KIF11: variants seen among roughly 807,000 people sequenced by gnomAD.
KIF11 encodes kinesin family member 11, also known as kinesin-like protein KIF11.
KIF11 carries 9 observed loss-of-function variants against 121.0 expected under a neutral mutation model. The ratio of observed to expected loss-of-function variants is 0.07; its 90% CI spans 0.04 to 0.13. The LOEUF is 0.13. Among genes scored for constraint, KIF11 ranks in the 10% least tolerant of loss-of-function variants. The pLI is 1.00. For missense variants in KIF11, 846 were observed against 1,217.5 expected, an observed-to-expected ratio of 0.69 and a Z score of 4.54; for synonymous variants, 408 against 421.0, an observed-to-expected ratio of 0.97 and a Z score of 0.38.
intron 6 of KIF11, among the ~76,000 whole-genome samples, chr10:92,611,937 TG>T (rs1844502018): frequency 6.6e-6 from 1 of 152,024 alleles, no homozygotes; most frequent in Non-Finnish European, 1.5e-5. Context: ...TTAAGTAACA[TG>T]AAAGTACAAA....
At chr10:92,634,245 A>G (rs1316698449) in intron 14 of KIF11, among the ~76,000 whole-genome samples, 3 of 151,864 alleles carry the variant, frequency 2.0e-5, no homozygotes, top group Non-Finnish European at 2.9e-5. Flanking sequence ...GGCCTCCCAA[A>G]GTGCTGGGAT....
Position 92,613,271 on chromosome 10 carries a change from A to C in KIF11, c.790-106A>C. 9.0e-7 allele frequency: 1 copy of C among 1,111,932 alleles called. No individual in the cohort carries two copies. The highest frequency in any genetic ancestry group is 1.3e-6 in the Non-Finnish European group (1 of 787,890). The allele number at this position is 1,111,932 out of a possible 1,614,324, so 68.9% of individuals were successfully genotyped here. On this transcript the variant is annotated intron_variant, in intron 7 of 21. Transcript: ENST00000260731. This position sits in a 1 kb window ranked among gnomAD's most constrained non-coding sequence, Gnocchi z 4.2. ...AGAAGAAATTTGTTAATTACAGAAA[A>C]AATTATTTTGCTGGCGATTTAATAC... is the stretch of plus-strand genomic sequence containing the variant.
chr10:92,651,209 G>A (rs1025463937), intron 21 of KIF11, among the ~76,000 whole-genome samples: 1 of 146,932 alleles, frequency 6.8e-6, no homozygotes, highest in Non-Finnish European at 1.5e-5. Context: ...TGTATTTTTA[G>A]TAGAGACAGG....
Position 92,645,505 on chromosome 10 carries a change from C to T in KIF11, c.2410C>T (p.Leu804Phe), listed in dbSNP as rs1482644832. The change falls in exon 18 of 22, where the codon CTC (leucine) becomes TTC (phenylalanine). Residue 804 changes from leucine (L) to phenylalanine (F), a missense_variant. This residue lies in a region of KIF11 where 492 missense variants were observed against 603.4 expected (regional missense o/e 0.82). Coordinates refer to ENST00000260731, the MANE Select transcript of KIF11 (RefSeq NM_004523.4). Reference protein sequence around the residue: ...VEESVKHSDKLNGNLEKISQE... With the variant: ...VEESVKHSDKFNGNLEKISQE... ...AGAATCTGTGAAACACTCTGATAAA[C>T]TCAATGGCAACCTGGAAAAAATATC... 1 of 1,614,038 alleles carries T rather than the reference C, an allele frequency of 6.2e-7. No individual in the cohort carries two copies. The highest frequency in any genetic ancestry group is 8.5e-7 in the Non-Finnish European group (1 of 1,179,946).
At chr10:92,615,081 C>A (rs960401394) in intron 8 of KIF11, among the ~76,000 whole-genome samples, 9 of 151,986 alleles carry the variant, frequency 5.9e-5, no homozygotes, top group African/African-American at 2.2e-4. Flanking sequence ...TAGGCATGAG[C>A]CACCTCACTT....
chr10:92,629,665 G>C (rs550656449), intron 11 of KIF11, among the ~76,000 whole-genome samples: 1 of 151,980 alleles, frequency 6.6e-6, no homozygotes, highest in Non-Finnish European at 1.5e-5. Context: ...CCAGGCTACA[G>C]TGCAGTGGTG....
intron 8 of KIF11, among the ~76,000 whole-genome samples, chr10:92,614,008 A>G (rs1477093409): frequency 7.1e-6 from 1 of 140,214 alleles, no homozygotes; most frequent in African/African-American, 2.7e-5. Context: ...AAAAAAAAAG[A>G]AAAGTATGTG....
At chr10:92,596,698 C>T (rs561251908) in intron 1 of KIF11, among the ~76,000 whole-genome samples, 1 of 151,950 alleles carries the variant, frequency 6.6e-6, no homozygotes. Flanking sequence ...AGTCCTTTGC[C>T]CATTTTTAAA....
chr10:92,616,747 G>A lies in KIF11; in HGVS notation c.1043G>A (p.Ser348Asn), dbSNP rs1238718377. ...PASLNLEETL[S>N]TLEYAHRAKN... ...TCCTTTCCATGACAGGAAACTCTGAGTACATTGGAATATGCTCATAGAGCA... is the reference window on the plus strand; with the variant it reads ...TCCTTTCCATGACAGGAAACTCTGAATACATTGGAATATGCTCATAGAGCA... Residue 348 changes from serine (S) to asparagine (N), a missense_variant, in exon 9 of 22, where the codon AGT becomes AAT. Ser to Asn is a conservative substitution (Grantham distance 46). Around this residue, in one of 5 missense-constraint regions of KIF11, gnomAD observed 116 missense variants for 285.3 expected, o/e 0.41. Transcript: ENST00000260731. 6.3e-7 allele frequency: 1 copy of A among 1,590,340 alleles called. No individual in the cohort carries two copies. The highest frequency in any genetic ancestry group is 1.1e-5 in the South Asian group (1 of 89,190).
chr10:92,608,109 TA>T (rs887302693), intron 4 of KIF11, among the ~76,000 whole-genome samples: 39 of 146,346 alleles, frequency 2.7e-4, no homozygotes, highest in Non-Finnish European at 3.5e-4. Flanking sequence ...CTAGTTAATT[TA>T]AAAAAAAAAA....
chr10:92,629,609 T>G (rs1430039940), intron 11 of KIF11, among the ~76,000 whole-genome samples: 1 of 151,336 alleles, frequency 6.6e-6, no homozygotes, highest in Non-Finnish European at 1.5e-5. Flanking sequence ...ATACCTTTAT[T>G]TATTTATTTT....
rs539895946 is a variant in KIF11, at chr10:92,649,771, G to GT, written c.2771-57dup. On this transcript the variant is annotated intron_variant, in intron 19 of 21. Transcript: ENST00000260731. Reference sequence around the variant, plus strand: ...GACAAGATTAATTAGGAAGTTTTAGGTTTTTTTAAAAATATTTACATCTCA... The same window carrying GT: ...GACAAGATTAATTAGGAAGTTTTAGGTTTTTTTTAAAAATATTTACATCTCA... 1.1e-3 allele frequency: 1,274 copies of GT among 1,176,494 alleles called. 8 individuals carry two copies. The African/African-American group carries it at 0.018, about 16-fold the overall frequency. 72.9% of individuals were successfully genotyped at this position (1,176,494 alleles called of 1,614,324 possible). A position where few individuals can be genotyped will look rare whatever the true frequency, so the allele number is the denominator to read the frequency against.
intron 1 of KIF11, among the ~76,000 whole-genome samples, chr10:92,597,528 G>A (rs1197954910): frequency 1.3e-5 from 2 of 152,100 alleles, no homozygotes; most frequent in African/African-American, 4.8e-5. Context: ...GCCTCCCAAA[G>A]TGCTGGGATT....
chr10:92,620,404 G>A (rs951400026), intron 9 of KIF11, among the ~76,000 whole-genome samples: 9 of 152,110 alleles, frequency 5.9e-5, no homozygotes, highest in Non-Finnish European at 1.3e-4. Flanking sequence ...TATAGGAAAG[G>A]CAGGACACAT....
chr10:92,629,903 C>G (rs982012002), intron 11 of KIF11, among the ~76,000 whole-genome samples: 3 of 152,178 alleles, frequency 2.0e-5, no homozygotes, highest in African/African-American at 7.2e-5. Context: ...AGGTGTGAAC[C>G]ACCTTGCCAG....
At chr10:92,645,251 C>A in intron 17 of KIF11, 112 bp from the exon 18 acceptor site, 2 of 724,158 alleles carry the variant, frequency 2.8e-6, no homozygotes, top group Non-Finnish European at 2.2e-6. Flanking sequence ...GGCCCTGGAG[C>A]CAGACTGTCC....
chr10:92,626,937 G>A (rs960663379), intron 10 of KIF11, among the ~76,000 whole-genome samples: 3 of 151,872 alleles, frequency 2.0e-5, no homozygotes, highest in African/African-American at 7.3e-5. Flanking sequence ...TTTTGTTTTT[G>A]TATTTTAGTA....
In KIF11 at chr10:92,605,761, C is replaced by T. The variant is rs551341438; in HGVS notation, c.78-504C>T. ...TCGGCCTCCCAAAGTGCTGGGATTA[C>T]AGGCGTGAGCCACTGCGCCCAGCCT... On this transcript the variant is annotated intron_variant, in intron 1 of 21. Transcript: ENST00000260731. Among the ~76,000 whole-genome samples the T allele has an allele frequency of 3.2e-3, 486 of 152,298 alleles. 4 individuals carry two copies. The highest frequency in any genetic ancestry group is 0.011 in the African/African-American group (452 of 41,564).
rs148976883 is a variant in KIF11 at position 92,633,626 on chromosome 10, A to G, written c.1706A>G (p.Asn569Ser). The change falls in exon 14 of 22, where the codon AAT becomes AGT. Residue 569 changes from asparagine to serine, a missense_variant. By Grantham distance (46) the Asn-to-Ser change is conservative (BLOSUM62 1). Around this residue, in one of 5 missense-constraint regions of KIF11, gnomAD observed 492 missense variants for 603.4 expected, o/e 0.82. Transcript: ENST00000260731. ...TTTCTGTTTTTGTTTGTTATAGGTAATCTGCTGTCTTCCAGTGTCTCTGCA... is the reference window on the plus strand; with the variant it reads ...TTTCTGTTTTTGTTTGTTATAGGTAGTCTGCTGTCTTCCAGTGTCTCTGCA... ...MLEVHKTLFG[N>S]LLSSSVSALD... 1.2e-3 allele frequency: 1,841 copies of G among 1,598,574 alleles called. 5 individuals are homozygous for G. Among genetic ancestry groups the G allele is most frequent in the Non-Finnish European group, 1.5e-3 (1,712 of 1,169,384 alleles).
Sources: gnomAD v4.1 joint callset for allele counts (sites outside exome capture counted in the v4.1 genomes callset) on GRCh38, gnomAD v4.1.1 for gene constraint, gnomAD v4.1.1 regional missense constraint, Gnocchi (gnomAD v3.1) non-coding constraint, MANE v1.5 for transcripts, NCBI Gene and HGNC (gene_info 2026-07-23, HGNC 2026-07-21) for gene names.